Variants in ABCA5 observed in about 807,000 individuals in gnomAD.
The protein encoded by ABCA5 is cholesterol transporter ABCA5.
Under a neutral mutation model 206.0 loss-of-function variants are expected in ABCA5, and 163 were observed. The observed-to-expected ratio is 0.79, with a 90% confidence interval of 0.70 to 0.90. The LOEUF is 0.90. Among genes scored for constraint, ABCA5 ranks in the 40% least tolerant of loss-of-function variants. The probability of loss-of-function intolerance (pLI) is 0.00; values close to 1 mark genes in which losing one functional copy is unlikely to be tolerated. For synonymous variants in ABCA5, 609 were observed against 613.8 expected (o/e 0.99, Z 0.11); for missense variants, 1,859 against 1,912.9 (o/e 0.97, Z 0.53).
At position 69,288,597 on chromosome 17, in the gene ABCA5, G is replaced by A. The variant is rs543363424; in HGVS notation, c.1902+580C>T. ...GAAATAAAACATGGAGGCCAGGCGTGGTGGCTCATGCCTGTAATCCCAACA... is the reference window on the plus strand; with the variant it reads ...GAAATAAAACATGGAGGCCAGGCGTAGTGGCTCATGCCTGTAATCCCAACA... On this transcript the variant is annotated intron_variant, in intron 14 of 38. Coordinates refer to ENST00000392676, the MANE Select transcript of ABCA5 (RefSeq NM_172232.4). 5.7e-4 allele frequency among the ~76,000 whole-genome samples: 86 copies of A among 152,024 alleles called. 1 individual carries two copies. Among genetic ancestry groups the A allele is most frequent in the Non-Finnish European group, 1.0e-3 (69 of 67,978 alleles).
intron 22 of ABCA5, among the ~76,000 whole-genome samples, chr17:69,270,366 T>C (rs1467198288): frequency 6.6e-6 from 1 of 152,084 alleles, no homozygotes; most frequent in Non-Finnish European, 1.5e-5. Flanking sequence ...TATTCTATGA[T>C]CAATATAGAA....
intron 19 of ABCA5, among the ~76,000 whole-genome samples, chr17:69,274,892 G>A (rs1282689712): frequency 1.6e-5 from 2 of 124,718 alleles, no homozygotes; most frequent in East Asian, 5.0e-4. Flanking sequence ...CACCCAGGCT[G>A]GAGTGCAGTG....
At chr17:69,287,463 T>C in intron 15 of ABCA5, 150 bp downstream of exon 15, 1 of 1,081,686 alleles carries the variant, frequency 9.2e-7, no homozygotes, top group Non-Finnish European at 1.3e-6. Flanking sequence ...CAAAAATGTA[T>C]CATTTTAAAA....
chr17:69,299,841 CTATTAAAAAATAA>C (rs1045453874), intron 9 of ABCA5, among the ~76,000 whole-genome samples: 1 of 151,758 alleles, frequency 6.6e-6, no homozygotes, highest in South Asian at 2.1e-4. Context: ...CCCCAAAAAT[CTATTAAAAAATAA>C]TAAAACCTCA....
At chr17:69,291,957 A>AC (rs2075531752) in intron 11 of ABCA5, among the ~76,000 whole-genome samples, 1 of 152,064 alleles carries the variant, frequency 6.6e-6, no homozygotes, top group Non-Finnish European at 1.5e-5. Context: ...TACAAAAAAT[A>AC]TAAAAATTAG....
chr17:69,272,626 C>A (rs2075285094), intron 20 of ABCA5, among the ~76,000 whole-genome samples: 1 of 151,772 alleles, frequency 6.6e-6, no homozygotes, highest in African/African-American at 2.4e-5. Flanking sequence ...TATTTTAAAA[C>A]CAAAACGAGA....
intron 19 of ABCA5, among the ~76,000 whole-genome samples, chr17:69,276,663 G>T (rs2075335494): frequency 6.6e-6 from 1 of 152,148 alleles, no homozygotes; most frequent in Admixed American, 6.5e-5. Flanking sequence ...GGAGGGTTGG[G>T]ACTGGGGAGG....
chr17:69,261,372 G>C (rs2075145341), intron 25 of ABCA5, 113 bp from the exon 26 acceptor site: 10 of 1,019,452 alleles, frequency 9.8e-6, no homozygotes, highest in Middle Eastern at 2.9e-4. Context: ...TGGAACAAGA[G>C]ATGATATTTA....
At chr17:69,313,666 T>C (rs1344857601) in intron 2 of ABCA5, among the ~76,000 whole-genome samples, 1 of 152,150 alleles carries the variant, frequency 6.6e-6, no homozygotes, top group South Asian at 2.1e-4. Context: ...GGATTCACCA[T>C]AAAAATGCCT....
chr17:69,247,176 T>A lies in ABCA5; in HGVS notation c.*361A>T, dbSNP rs1458545430. 6.3e-6 allele frequency: 1 copy of A among 158,166 alleles called. No individual in the cohort carries two copies. The highest frequency in any genetic ancestry group is 6.5e-5 in the Admixed American group (1 of 15,418). The allele number at this position is 158,166 out of a possible 1,614,324, so 9.8% of individuals were successfully genotyped here. A position where few individuals can be genotyped will look rare whatever the true frequency, so the allele number is the denominator to read the frequency against. ...TAGTTTTTTATTTAGATTGGAACATTACGTACTTATTTAAGAAGATGGCAT... is the reference window on the plus strand; with the variant it reads ...TAGTTTTTTATTTAGATTGGAACATAACGTACTTATTTAAGAAGATGGCAT... On this transcript the variant is annotated 3_prime_UTR_variant, in exon 39 of 39. Coordinates refer to ENST00000392676, the MANE Select transcript of ABCA5 (RefSeq NM_172232.4).
At chr17:69,324,947 C>A (rs905433286) in intron 1 of ABCA5, among the ~76,000 whole-genome samples, 2 of 152,050 alleles carry the variant, frequency 1.3e-5, no homozygotes, top group African/African-American at 4.8e-5. Context: ...CAAAATATGC[C>A]TTTTAGCTTA....
At position 69,249,962 on chromosome 17, in the gene ABCA5, T is replaced by C. The variant is rs766178091; in HGVS notation, c.4708A>G (p.Lys1570Glu). 2.0e-6 allele frequency: 3 copies of C among 1,494,838 alleles called. No individual in the cohort carries two copies. Among genetic ancestry groups the C allele is most frequent in the Non-Finnish European group, 2.7e-6 (3 of 1,118,326 alleles). 92.6% of individuals were successfully genotyped at this position (1,494,838 alleles called of 1,614,324 possible). A position where few individuals can be genotyped will look rare whatever the true frequency, so the allele number is the denominator to read the frequency against. ...GACTGAACATCTTCCTTAGGAATTT[T>C]ATAAGCCAAAATAGAAGAAAAACTG... ...QESFSSILAY[K>E]IPKEDVQSLS... is the part of the protein sequence containing the mutation. Residue 1570 changes from lysine (K) to glutamate (E), a missense_variant, in exon 37 of 39, where the codon AAA (lysine) becomes GAA (glutamate). Transcript: ENST00000392676.
intron 10 of ABCA5, among the ~76,000 whole-genome samples, chr17:69,296,246 C>T (rs570429735): frequency 3.3e-5 from 5 of 151,864 alleles, no homozygotes; most frequent in African/African-American, 9.7e-5. Context: ...TAAAATTTAC[C>T]GTTAAGAAAG....
Position 69,313,264 on chromosome 17 carries a change from C to A in ABCA5, c.135G>T (p.Trp45Cys), listed in dbSNP as rs1184981238. The A allele has an allele frequency of 2.1e-5, 30 of 1,438,856 alleles. No homozygotes were observed. The highest frequency in any genetic ancestry group is 5.8e-5 in the African/African-American group (4 of 69,454). 89.1% of individuals were successfully genotyped at this position (1,438,856 alleles called of 1,614,324 possible). A position where few individuals can be genotyped will look rare whatever the true frequency, so the allele number is the denominator to read the frequency against. The change falls in exon 3 of 39, where the codon TGG becomes TGT. Residue 45 changes from tryptophan to cysteine, a missense_variant. Physicochemically the swap from Trp to Cys is radical, Grantham distance 215. Coordinates refer to ENST00000392676, the MANE Select transcript of ABCA5 (RefSeq NM_172232.4). ...EILFPLFFLF[W>C]LILISMMHPN... is the part of the protein sequence containing the mutation. ...GATGCATCATGCTAATTAATATTAA[C>A]CAAAATAAAAAAAATAGTGGAAAAA...
At chr17:69,291,171 A>G in intron 12 of ABCA5, 45 bp downstream of exon 12, 1 of 1,294,130 alleles carries the variant, frequency 7.7e-7, no homozygotes, top group East Asian at 2.6e-5. Flanking sequence ...ACATTTAAAG[A>G]ATATATATAA....
At position 69,295,141 on chromosome 17, in the gene ABCA5, A is replaced by T. The variant is rs552261568; in HGVS notation, c.1437-428T>A. ...ATATATATTTACATTATTATACTGTATTTATCAATGCCGTCAGTTCACATC... is the reference window on the plus strand; with the variant it reads ...ATATATATTTACATTATTATACTGTTTTTATCAATGCCGTCAGTTCACATC... On this transcript the variant is annotated intron_variant, in intron 10 of 38. Transcript: ENST00000392676. 1.6e-4 allele frequency among the ~76,000 whole-genome samples: 25 copies of T among 152,320 alleles called. 1 individual carries two copies. The highest frequency in any genetic ancestry group is 5.8e-4 in the African/African-American group (24 of 41,580).
At chr17:69,298,638 G>A (rs1031028520) in intron 9 of ABCA5, among the ~76,000 whole-genome samples, 3 of 151,944 alleles carry the variant, frequency 2.0e-5, no homozygotes, top group African/African-American at 7.3e-5. Context: ...TAATTGGCAA[G>A]CCACACGTAG....
chr17:69,258,531 C>T (rs2075108283), intron 28 of ABCA5, among the ~76,000 whole-genome samples: 1 of 151,990 alleles, frequency 6.6e-6, no homozygotes, highest in African/African-American at 2.4e-5. Flanking sequence ...AACATGGAAA[C>T]ACTAGGACTG....
chr17:69,300,354 A>G (rs1348343896), intron 9 of ABCA5, among the ~76,000 whole-genome samples: 1 of 152,224 alleles, frequency 6.6e-6, no homozygotes, highest in African/African-American at 2.4e-5. Context: ...CTGTGAATAC[A>G]GATGAAGCTT....
Sources: allele counts gnomAD v4.1 joint callset (sites outside exome capture counted in the v4.1 genomes callset), GRCh38; gene constraint gnomAD v4.1.1; transcripts MANE v1.5; gene names NCBI Gene and HGNC (gene_info 2026-07-23, HGNC 2026-07-21).